The following TBCK variants were observed in gnomAD, a reference collection of about 807,000 sequenced individuals.
The protein encoded by TBCK is TBC1 domain containing kinase.
In TBCK, 99 loss-of-function variants were observed where a neutral mutation model predicts 113.4. That is an observed-to-expected ratio of 0.87 (90% CI 0.74 to 1.03). The LOEUF is 1.03. TBCK is among the 50% of genes least tolerant of loss of function. The pLI is 0.00. For missense variants in TBCK, 1,045 were observed against 1,061.3 expected (o/e 0.98, Z 0.21); for synonymous variants, 369 against 370.8 (o/e 1.00, Z 0.05).
Position 106,177,600 on chromosome 4 carries a change from A to G in TBCK, c.2060-6330T>C, listed in dbSNP as rs1010938204. 1.4e-4 allele frequency among the ~76,000 whole-genome samples: 22 copies of G among 151,966 alleles called. No individual in the cohort carries two copies. The East Asian group carries it at 3.5e-3, about 24-fold the overall frequency. ...TTAAAAAAAACCTGTCTTTTCCCCA[A>G]TGTATATTGTTGGCACCTGTGTCAA... On this transcript the variant is annotated intron_variant, in intron 22 of 25. Coordinates refer to ENST00000394708, the MANE Select transcript of TBCK (RefSeq NM_001163435.3).
intron 23 of TBCK, among the ~76,000 whole-genome samples, chr4:106,138,985 C>T (rs1050755174): frequency 2.8e-5 from 4 of 140,708 alleles, no homozygotes; most frequent in African/African-American, 1.0e-4. Context: ...CTGATGTTTT[C>T]ATCTCAAACT....
intron 23 of TBCK, among the ~76,000 whole-genome samples, chr4:106,128,232 G>A (rs1243852627): frequency 6.6e-6 from 1 of 152,108 alleles, no homozygotes; most frequent in East Asian, 1.9e-4. Context: ...AATTCACATC[G>A]ACTCCCAATT....
At chr4:106,193,026 A>T (rs1753825809) in intron 22 of TBCK, among the ~76,000 whole-genome samples, 1 of 152,164 alleles carries the variant, frequency 6.6e-6, no homozygotes, top group Non-Finnish European at 1.5e-5. Context: ...CTCAGACTAT[A>T]GTTATCCATA....
At chr4:106,314,290 G>GA (rs1233158518) in intron 1 of TBCK, among the ~76,000 whole-genome samples, 5 of 151,966 alleles carry the variant, frequency 3.3e-5, no homozygotes, top group South Asian at 2.1e-4. Flanking sequence ...AAGTTGATGT[G>GA]AAAAAAGTAG....
intron 25 of TBCK, among the ~76,000 whole-genome samples, chr4:106,079,700 G>A (rs551924777): frequency 2.0e-5 from 3 of 152,278 alleles, no homozygotes; most frequent in Non-Finnish European, 4.4e-5. Flanking sequence ...TCATGAAAAG[G>A]AAGTGTATTA....
intron 3 of TBCK, among the ~76,000 whole-genome samples, chr4:106,264,442 T>C (rs553473034): frequency 3.9e-5 from 6 of 152,056 alleles, no homozygotes; most frequent in East Asian, 1.9e-4. Context: ...GTGCGTGCAG[T>C]AGAATGAGCA....
rs1759036947 is a variant in TBCK, at chr4:106,232,999, T to C, written c.1578A>G (p.Ala526=). 6.2e-7 allele frequency: 1 copy of C among 1,612,424 alleles called. No homozygotes were observed. Residue 526 remains alanine (A), a synonymous_variant, in exon 17 of 26, where the codon GCA becomes GCG. Coordinates refer to ENST00000394708, the MANE Select transcript of TBCK (RefSeq NM_001163435.3). ...AGGCTTTTAATACACGCCTAAATTT[T>C]GCATGACCTTCTGGTGATGATAACA... ...DELLSSPEGH[A]KFRRVLKAWV...
At chr4:106,114,530 C>T (rs547469714) in intron 24 of TBCK, among the ~76,000 whole-genome samples, 2 of 152,278 alleles carry the variant, frequency 1.3e-5, no homozygotes, top group East Asian at 3.9e-4. Flanking sequence ...GTCAGGGCTA[C>T]AGCTGCTGAC....
chr4:106,198,893 CAGCAAAG>C (rs1754562755), intron 20 of TBCK, among the ~76,000 whole-genome samples: 1 of 152,142 alleles, frequency 6.6e-6, no homozygotes, highest in Non-Finnish European at 1.5e-5. Flanking sequence ...AAGGTAATGG[CAGCAAAG>C]TTACAGGAGC....
chr4:106,259,757 CAACTT>C (rs998824788), intron 5 of TBCK, among the ~76,000 whole-genome samples: 4 of 151,842 alleles, frequency 2.6e-5, no homozygotes, highest in African/African-American at 7.2e-5. Flanking sequence ...AAAACAATCT[CAACTT>C]AATCTTCAGA....
At chr4:106,180,310 A>T (rs2149773253) in intron 22 of TBCK, among the ~76,000 whole-genome samples, 1 of 151,856 alleles carries the variant, frequency 6.6e-6, no homozygotes, top group African/African-American at 2.4e-5. Context: ...TGTTTTGTAG[A>T]CACTTTCTTC....
chr4:106,064,122 T>A (rs1736358682), intron 25 of TBCK, among the ~76,000 whole-genome samples: 1 of 151,928 alleles, frequency 6.6e-6, no homozygotes, highest in Non-Finnish European at 1.5e-5. Flanking sequence ...CATCTACAGA[T>A]CAAATATACT....
chr4:106,111,902 A>T (rs1742904822), intron 24 of TBCK, among the ~76,000 whole-genome samples: 1 of 152,228 alleles, frequency 6.6e-6, no homozygotes, highest in South Asian at 2.1e-4. Flanking sequence ...GATAAGTTAC[A>T]GAACTTGTTT....
At chr4:106,117,069 A>C (rs1204142952) in intron 23 of TBCK, among the ~76,000 whole-genome samples, 1 of 152,050 alleles carries the variant, frequency 6.6e-6, no homozygotes, top group Non-Finnish European at 1.5e-5. Flanking sequence ...TGTAACTGAT[A>C]CCTTACTATT....
chr4:106,046,789 T>G (rs544336105), intron 25 of TBCK, 109 bp from the exon 26 acceptor site: 1 of 578,730 alleles, frequency 1.7e-6, no homozygotes, highest in Admixed American at 3.2e-5. Flanking sequence ...TTATGATTGC[T>G]GCCACCACTG....
At chr4:106,252,878 A>G (rs893132920) in intron 5 of TBCK, among the ~76,000 whole-genome samples, 17 of 152,126 alleles carry the variant, frequency 1.1e-4, no homozygotes, top group Admixed American at 1.1e-3. Context: ...CATAAGTAAT[A>G]CATGAGGGTG....
At chr4:106,068,146 ATTTTATT>A (rs990377401) in intron 25 of TBCK, among the ~76,000 whole-genome samples, 17 of 149,866 alleles carry the variant, frequency 1.1e-4, no homozygotes, top group East Asian at 1.9e-4. Context: ...ATTTCTTTTT[ATTTTATT>A]TTTTATTTTT....
intron 24 of TBCK, among the ~76,000 whole-genome samples, chr4:106,098,092 T>G (rs976774214): frequency 9.2e-5 from 14 of 152,078 alleles, no homozygotes; most frequent in African/African-American, 3.4e-4. Context: ...AAGGTAGGGT[T>G]AGAGATGAAC....
intron 4 of TBCK, among the ~76,000 whole-genome samples, chr4:106,261,800 T>C (rs1254564864): frequency 6.6e-6 from 1 of 151,260 alleles, no homozygotes. Flanking sequence ...AGAGGAGGAG[T>C]ATACTGGGAC....
Sources: gnomAD v4.1 joint callset for allele counts (sites outside exome capture counted in the v4.1 genomes callset) on GRCh38, gnomAD v4.1.1 for gene constraint, MANE v1.5 for transcripts, NCBI Gene and HGNC (gene_info 2026-07-23, HGNC 2026-07-21) for gene names.